The following CDH18 variants were observed in gnomAD, a reference collection of about 807,000 sequenced individuals.
CDH18 encodes cadherin-18.
A neutral mutation model predicts 67.9 loss-of-function variants in CDH18; 31 were observed. That is an observed-to-expected ratio of 0.46 (90% CI 0.34 to 0.62). The LOEUF is 0.62. Ranked by LOEUF, CDH18 falls within the 20% of genes least tolerant of loss-of-function variation. The probability of loss-of-function intolerance (pLI) is 0.01; values close to 1 mark genes in which losing one functional copy is unlikely to be tolerated. For missense variants in CDH18, 890 were observed against 975.5 expected (o/e 0.91, Z 1.17); for synonymous variants, 362 against 347.2 (o/e 1.04, Z -0.48).
chr5:19,879,361 A>G (rs1787372585), intron 2 of CDH18, among the ~76,000 whole-genome samples: 1 of 152,018 alleles, frequency 6.6e-6, no homozygotes, highest in African/African-American at 2.4e-5. Flanking sequence ...GCACATATTA[A>G]TACATTAAAT....
At chr5:20,187,583 T>C (rs78531105) in intron 2 of CDH18, among the ~76,000 whole-genome samples, 2,304 of 152,026 alleles carry the variant, frequency 0.015, 30 homozygotes, top group Non-Finnish European at 0.022. Context: ...GTCAAATACA[T>C]GTTGGCTCCT....
rs548043820 is a variant in CDH18, at chr5:20,414,221, C to G, written c.-579-158716G>C. Among the ~76,000 whole-genome samples the G allele has an allele frequency of 3.3e-5, 5 of 152,174 alleles. No homozygotes were observed. The South Asian group carries it at 8.3e-4, about 25-fold the overall frequency. ...ATAAAACATTCTACCAAAAAGACAA[C>G]TGCACTTTTATGTTTATCGTAGCAC... On this transcript the variant is annotated intron_variant, in intron 1 of 14. Transcript: ENST00000507958.
intron 1 of CDH18, among the ~76,000 whole-genome samples, chr5:20,402,917 C>A (rs1260236525): frequency 1.3e-5 from 2 of 149,528 alleles, no homozygotes; most frequent in Non-Finnish European, 3.0e-5. Context: ...TGAAAAAAAA[C>A]AATAAATAAA....
chr5:19,747,540 G>A (rs1234956852), intron 3 of CDH18, among the ~76,000 whole-genome samples: 1 of 151,802 alleles, frequency 6.6e-6, no homozygotes, highest in Non-Finnish European at 1.5e-5. Context: ...TCCACTAACT[G>A]CCATAAAGTT....
chr5:20,284,361 G>A (rs568803322), intron 1 of CDH18, among the ~76,000 whole-genome samples: 5 of 151,754 alleles, frequency 3.3e-5, no homozygotes, highest in Admixed American at 6.6e-5. Flanking sequence ...ATAAATATAC[G>A]CACTTACTAT....
chr5:20,010,304 G>A, intron 2 of CDH18, among the ~76,000 whole-genome samples: 1 of 151,822 alleles, frequency 6.6e-6, no homozygotes, highest in Non-Finnish European at 1.5e-5. Context: ...GCACGATCTT[G>A]GTTCAATTGA....
chr5:20,286,281 A>ACT (rs1746688566), intron 1 of CDH18, among the ~76,000 whole-genome samples: 14 of 151,812 alleles, frequency 9.2e-5, no homozygotes, highest in African/African-American at 3.4e-4. Flanking sequence ...ATTAACATTT[A>ACT]GTTAGGTGAT....
chr5:20,054,756 C>T (rs13180368), intron 2 of CDH18, among the ~76,000 whole-genome samples: 114,772 of 152,110 alleles, frequency 0.75, 46,331 homozygotes, highest in Non-Finnish European at 0.9. Context: ...GTTACCTAGA[C>T]CCTTTGGAAA....
At chr5:20,503,094 A>G (rs986658540) in intron 1 of CDH18, among the ~76,000 whole-genome samples, 2 of 152,156 alleles carry the variant, frequency 1.3e-5, no homozygotes, top group African/African-American at 2.4e-5. Flanking sequence ...TTTTTAAATC[A>G]GATTTTTCAA....
intron 2 of CDH18, among the ~76,000 whole-genome samples, chr5:20,101,543 A>G (rs1159204858): frequency 5.9e-5 from 9 of 152,180 alleles, no homozygotes; most frequent in African/African-American, 2.2e-4. Flanking sequence ...CACTATTGGT[A>G]GGATCCCTAA....
chr5:19,688,703 T>A (rs1028304784), intron 5 of CDH18, among the ~76,000 whole-genome samples: 1 of 151,846 alleles, frequency 6.6e-6, no homozygotes, highest in Non-Finnish European at 1.5e-5. Flanking sequence ...AAAAAAAGTA[T>A]GAAATGCCAG....
intron 2 of CDH18, among the ~76,000 whole-genome samples, chr5:20,095,274 G>C: frequency 7.0e-6 from 1 of 143,000 alleles, no homozygotes; most frequent in Non-Finnish European, 1.5e-5. Flanking sequence ...TGCATGTTCT[G>C]CACATATATC....
intron 1 of CDH18, among the ~76,000 whole-genome samples, chr5:20,277,967 G>T (rs569167443): frequency 6.6e-6 from 1 of 151,992 alleles, no homozygotes; most frequent in Non-Finnish European, 1.5e-5. Context: ...CTACACAGTC[G>T]GAGGAGAAAA....
chr5:19,609,302 T>C (rs908264134), intron 6 of CDH18, among the ~76,000 whole-genome samples: 2 of 151,974 alleles, frequency 1.3e-5, no homozygotes, highest in African/African-American at 2.4e-5. Flanking sequence ...TTGTTTTGTT[T>C]GAGTGGCTCC....
At chr5:20,120,582 T>A (rs1178094241) in intron 2 of CDH18, among the ~76,000 whole-genome samples, 1 of 152,150 alleles carries the variant, frequency 6.6e-6, no homozygotes, top group African/African-American at 2.4e-5. Flanking sequence ...CTAAACTATA[T>A]TCTAGATTTA....
chr5:20,162,206 C>G (rs1227816539), intron 2 of CDH18, among the ~76,000 whole-genome samples: 1 of 151,920 alleles, frequency 6.6e-6, no homozygotes, highest in Non-Finnish European at 1.5e-5. Context: ...AATGAAATGT[C>G]ATTTATCACT....
rs1464092659 is a variant in CDH18 at position 20,485,459 on chromosome 5, A to G, written c.-580+90003T>C. On this transcript the variant is annotated intron_variant, in intron 1 of 14. Transcript: ENST00000507958. ...GACAAGAACATATACTTGTGGAAGGATGATAAAAACTAAATATGTTAATTG... is the reference window on the plus strand; with the variant it reads ...GACAAGAACATATACTTGTGGAAGGGTGATAAAAACTAAATATGTTAATTG... 2.0e-5 allele frequency among the ~76,000 whole-genome samples: 3 copies of G among 152,190 alleles called. No individual in the cohort carries two copies. The East Asian group carries it at 5.8e-4, about 29-fold the overall frequency.
chr5:20,449,668 ACATT>A (rs1750278383), intron 1 of CDH18, among the ~76,000 whole-genome samples: 1 of 152,060 alleles, frequency 6.6e-6, no homozygotes, highest in Non-Finnish European at 1.5e-5. Flanking sequence ...ATATGTATTA[ACATT>A]CAGACACATT....
Position 19,774,799 on chromosome 5 carries a change from ACT to A in CDH18, c.229-27565_229-27564del, listed in dbSNP as rs536229121. The stretch of plus-strand genomic sequence containing the variant: ...ACTACAGCCTGAGTGACAGAGCAAG[ACT>A]CTGTCTCAAAAAAAAAAAAAAAAAA... On this transcript the variant is annotated intron_variant, in intron 3 of 12. Transcript: ENST00000382275. Among the ~76,000 whole-genome samples, 433 of 126,466 alleles carry A rather than the reference ACT, an allele frequency of 3.4e-3. 2 individuals carry two copies. The highest frequency in any genetic ancestry group is 0.013 in the African/African-American group (411 of 32,168). 83.0% of individuals were successfully genotyped at this position (126,466 alleles called of 152,430 possible).
Sources: allele counts gnomAD v4.1 joint callset (sites outside exome capture counted in the v4.1 genomes callset), GRCh38; gene constraint gnomAD v4.1.1; transcripts MANE v1.5; gene names NCBI Gene and HGNC (gene_info 2026-07-23, HGNC 2026-07-21).